Variants in USP10 observed in about 807,000 individuals in gnomAD.
USP10 encodes ubiquitin carboxyl-terminal hydrolase 10.
USP10 carries 22 observed loss-of-function variants against 84.5 expected under a neutral mutation model. That is an observed-to-expected ratio of 0.26 (90% CI 0.19 to 0.37). The LOEUF (loss-of-function observed/expected upper bound fraction) is 0.37, where lower values mean the gene tolerates loss of function less well. Among genes scored for constraint, USP10 ranks in the 10% least tolerant of loss-of-function variants. The pLI is 1.00. For synonymous variants in USP10, 454 were observed against 387.6 expected (o/e 1.17, Z -2.01); for missense variants, 1,019 against 998.9 (o/e 1.02, Z -0.27).
intron 1 of USP10, among the ~76,000 whole-genome samples, chr16:84,700,401 G>T (rs1904693092): frequency 6.6e-6 from 1 of 151,956 alleles, no homozygotes; most frequent in South Asian, 2.1e-4. Context: ...CCTCCCTGGG[G>T]CTGGACCGCG....
chr16:84,744,557 A>G (rs1383911218), intron 3 of USP10, 76 bp from the exon 4 acceptor site: 1 of 1,351,522 alleles, frequency 7.4e-7, no homozygotes, highest in Admixed American at 2.8e-5. Context: ...TTTATTTTCA[A>G]AGAGAAAGTG....
intron 8 of USP10, among the ~76,000 whole-genome samples, chr16:84,760,808 G>C (rs1197605058): frequency 1.3e-5 from 2 of 152,164 alleles, no homozygotes; most frequent in Non-Finnish European, 2.9e-5. Context: ...GGGCTGTTGA[G>C]AGTGACTTGG....
intron 11 of USP10, among the ~76,000 whole-genome samples, chr16:84,769,101 G>A (rs932364435): frequency 2.0e-5 from 3 of 152,182 alleles, no homozygotes; most frequent in Admixed American, 2.0e-4. Context: ...ATGCACTGGG[G>A]AGATGAATGC....
rs1266827399 is a variant in USP10, at chr16:84,759,569, A to G, written c.1394+97A>G. 2.7e-6 allele frequency: 3 copies of G among 1,125,364 alleles called. No homozygotes were observed. The East Asian group carries it at 7.4e-5, about 28-fold the overall frequency. 69.7% of individuals were successfully genotyped at this position (1,125,364 alleles called of 1,614,324 possible). On this transcript the variant is annotated intron_variant, in intron 6 of 13. Transcript: ENST00000219473. ...TAGTAAAGCTCTTGATTTCCTGCAAATGAGTCCTATAATTCTGTCTTTTTT... is the reference window on the plus strand; with the variant it reads ...TAGTAAAGCTCTTGATTTCCTGCAAGTGAGTCCTATAATTCTGTCTTTTTT...
chr16:84,705,414 G>A (rs1202413282), intron 1 of USP10, among the ~76,000 whole-genome samples: 7 of 151,966 alleles, frequency 4.6e-5, no homozygotes, highest in Non-Finnish European at 1.5e-5. Context: ...TGTATTTTTA[G>A]TAGAGACTGG....
At chr16:84,740,864 T>A (rs563040532) in intron 3 of USP10, among the ~76,000 whole-genome samples, 55 of 152,362 alleles carry the variant, frequency 3.6e-4, no homozygotes, top group African/African-American at 1.3e-3. Flanking sequence ...CTGTTACTTT[T>A]TTGGGTCTCC....
At chr16:84,733,958 G>T (rs565643815) in intron 2 of USP10, among the ~76,000 whole-genome samples, 8 of 152,260 alleles carry the variant, frequency 5.3e-5, no homozygotes, top group South Asian at 4.1e-4. Context: ...TAAGAAATTT[G>T]TCCTTGTTCT....
intron 5 of USP10, chr16:84,759,148 C>G (rs569983991): frequency 3.3e-6 from 2 of 599,602 alleles, no homozygotes; most frequent in South Asian, 4.1e-5. Context: ...TTCTTGAATA[C>G]AAACGACTGA....
intron 1 of USP10, chr16:84,708,999 C>T (rs964448633): frequency 1.3e-5 from 2 of 152,182 alleles, no homozygotes; most frequent in Non-Finnish European, 2.9e-5. Context: ...GTGGTAATTC[C>T]TGTAACACAA....
intron 1 of USP10, chr16:84,704,598 A>G (rs1273894886): frequency 7.4e-6 from 8 of 1,077,538 alleles, no homozygotes; most frequent in South Asian, 2.1e-5. Flanking sequence ...GAATTAGTGT[A>G]GGAAAATAAA....
intron 4 of USP10, among the ~76,000 whole-genome samples, chr16:84,748,957 T>G (rs1387551409): frequency 6.6e-6 from 1 of 152,206 alleles, no homozygotes; most frequent in African/African-American, 2.4e-5. Flanking sequence ...GTTAGGTCAG[T>G]TATGAAGATG....
At chr16:84,718,323 G>A (rs998602076) in intron 1 of USP10, among the ~76,000 whole-genome samples, 2 of 152,040 alleles carry the variant, frequency 1.3e-5, no homozygotes, top group African/African-American at 4.8e-5. Context: ...GTGCAATCAT[G>A]GCTCACTGCA....
intron 4 of USP10, among the ~76,000 whole-genome samples, chr16:84,754,989 GAAA>G (rs35408254): frequency 6.9e-6 from 1 of 145,874 alleles, no homozygotes; most frequent in Non-Finnish European, 1.5e-5. Flanking sequence ...CTTTGTCCCA[GAAA>G]AAAAAAAAAA....
intron 1 of USP10, chr16:84,704,773 C>G (rs1254237639): frequency 2.6e-6 from 4 of 1,535,312 alleles, no homozygotes; most frequent in Non-Finnish European, 3.5e-6. Flanking sequence ...CATCAGATGA[C>G]TTGAGAACCC....
At chr16:84,777,579 G>C (rs1374451715) in intron 13 of USP10, among the ~76,000 whole-genome samples, 1 of 152,174 alleles carries the variant, frequency 6.6e-6, no homozygotes, top group Non-Finnish European at 1.5e-5. Flanking sequence ...CAGTCTTGCT[G>C]TCCCTATGCT....
intron 2 of USP10, among the ~76,000 whole-genome samples, chr16:84,734,703 G>A (rs188230551): frequency 6.6e-6 from 1 of 152,046 alleles, no homozygotes; most frequent in Non-Finnish European, 1.5e-5. Context: ...AATATCTTTA[G>A]GAAATTCTTC....
At chr16:84,740,271 T>A (rs913278467) in intron 2 of USP10, 38 bp from the exon 3 acceptor site, 3 of 1,588,896 alleles carry the variant, frequency 1.9e-6, no homozygotes, top group Non-Finnish European at 2.6e-6. Context: ...TTTTAACATT[T>A]TGTTGAATTA....
intron 13 of USP10, among the ~76,000 whole-genome samples, chr16:84,778,449 A>T (rs1037273858): frequency 2.0e-5 from 3 of 152,180 alleles, no homozygotes; most frequent in African/African-American, 7.2e-5. Context: ...TCTAGTGGCT[A>T]TTGAGGTTTT....
At chr16:84,758,619 A>G (rs1349141379) in intron 4 of USP10, 97 bp from the exon 5 acceptor site, 8 of 866,172 alleles carry the variant, frequency 9.2e-6, no homozygotes, top group South Asian at 7.3e-5. Context: ...TACTGAAGGG[A>G]TTTTAAATGC....
Sources: allele counts gnomAD v4.1 joint callset (sites outside exome capture counted in the v4.1 genomes callset), GRCh38; gene constraint gnomAD v4.1.1; transcripts MANE v1.5; gene names NCBI Gene and HGNC (gene_info 2026-07-23, HGNC 2026-07-21).